Variants in POC1B observed in about 807,000 individuals in gnomAD.
POC1B encodes the protein POC1 centriolar protein homolog B.
A neutral mutation model predicts 60.6 loss-of-function variants in POC1B; 44 were observed. The ratio of observed to expected loss-of-function variants is 0.73; its 90% CI spans 0.57 to 0.93. The LOEUF is 0.93. POC1B is among the 40% of genes least tolerant of loss of function. POC1B has a pLI of 0.00. For missense variants in POC1B, 555 were observed against 572.3 expected (o/e 0.97, Z 0.31); for synonymous variants, 180 against 198.9 (o/e 0.90, Z 0.80).
At chr12:89,509,832 A>C (rs1565756148) in intron 2 of POC1B, among the ~76,000 whole-genome samples, 1 of 152,046 alleles carries the variant, frequency 6.6e-6, no homozygotes, top group Non-Finnish European at 1.5e-5. Flanking sequence ...AATCCCACTA[A>C]CTAGAGTTCA....
intron 2 of POC1B, chr12:89,501,609 T>C (rs1022186785): frequency 3.7e-6 from 5 of 1,367,414 alleles, no homozygotes; most frequent in Non-Finnish European, 5.0e-6. Context: ...GCTTTTCTAG[T>C]GAGTCCAAGA....
chr12:89,474,224 C>A (rs1323644448), intron 4 of POC1B, among the ~76,000 whole-genome samples: 2 of 150,834 alleles, frequency 1.3e-5, no homozygotes, highest in Non-Finnish European at 1.5e-5. Context: ...AAAAAAAAAA[C>A]CTGTAAAAAA....
chr12:89,441,483 T>C (rs1881519582), intron 10 of POC1B, among the ~76,000 whole-genome samples: 2 of 152,188 alleles, frequency 1.3e-5, no homozygotes, highest in African/African-American at 4.8e-5. Context: ...AAGCCTCTGC[T>C]GGTGATACCC....
At chr12:89,431,827 G>A (rs1316313507) in intron 10 of POC1B, among the ~76,000 whole-genome samples, 1 of 152,186 alleles carries the variant, frequency 6.6e-6, no homozygotes, top group Non-Finnish European at 1.5e-5. Context: ...TTTGGAGATT[G>A]CAAGTCCAAA....
chr12:89,465,152 AC>A (rs1391714216), intron 9 of POC1B, among the ~76,000 whole-genome samples: 1 of 152,138 alleles, frequency 6.6e-6, no homozygotes, highest in Non-Finnish European at 1.5e-5. Flanking sequence ...GGTCAGCCTG[AC>A]CCAGCAACAC....
the POC1B span, among the ~76,000 whole-genome samples, chr12:89,409,923 G>A: frequency 6.6e-6 from 1 of 152,004 alleles, no homozygotes; most frequent in African/African-American, 2.4e-5. Context: ...CCAAACAATA[G>A]AAAAAAAGGG....
chr12:89,435,008 T>C (rs1881194106), intron 10 of POC1B, among the ~76,000 whole-genome samples: 1 of 152,160 alleles, frequency 6.6e-6, no homozygotes, highest in South Asian at 2.1e-4. Flanking sequence ...TCTAGTTCCA[T>C]TGTTTTACTG....
intron 2 of POC1B, chr12:89,523,823 T>G (rs1871153103): frequency 6.5e-7 from 1 of 1,541,430 alleles, no homozygotes; most frequent in African/African-American, 1.4e-5. Flanking sequence ...CTCCCAATCC[T>G]TTCCAAAAGC....
downstream of POC1B, among the ~76,000 whole-genome samples, chr12:89,415,654 A>T (rs374972353): frequency 1.2e-3 from 189 of 152,168 alleles, 1 homozygote; most frequent in South Asian, 0.015. Flanking sequence ...AAAAAAAAAA[A>T]AATAATAAAG....
At chr12:89,465,885 G>A (rs1489718209) in intron 9 of POC1B, among the ~76,000 whole-genome samples, 1 of 152,182 alleles carries the variant, frequency 6.6e-6, no homozygotes, top group Admixed American at 6.5e-5. Flanking sequence ...ATGCACAACT[G>A]GAGACTAGCA....
chr12:89,475,308 G>A (rs758175235), intron 4 of POC1B, among the ~76,000 whole-genome samples: 1 of 152,154 alleles, frequency 6.6e-6, no homozygotes, highest in Non-Finnish European at 1.5e-5. Context: ...TGTGAACCTC[G>A]AATGAGTTAA....
At chr12:89,430,447 A>C (rs898028379) in intron 10 of POC1B, among the ~76,000 whole-genome samples, 1 of 152,216 alleles carries the variant, frequency 6.6e-6, no homozygotes, top group African/African-American at 2.4e-5. Context: ...ACCATTCAAC[A>C]ACATAACCAT....
Position 89,420,497 on chromosome 12 carries a change from AG to A in POC1B, c.*655del, listed in dbSNP as rs1299335930. 6.6e-6 allele frequency: 1 copy of A among 152,198 alleles called. No individual in the cohort carries two copies. Among genetic ancestry groups the A allele is most frequent in the Non-Finnish European group, 1.5e-5 (1 of 68,024 alleles). 9.4% of individuals were successfully genotyped at this position (152,198 alleles called of 1,614,324 possible). On this transcript the variant is annotated 3_prime_UTR_variant, in exon 12 of 12. Coordinates refer to ENST00000313546, the MANE Select transcript of POC1B (RefSeq NM_172240.3). Reference sequence around the variant, plus strand: ...AAGATAGGTGAGTTTCATTTCCTTCAGGTTGGCCAATGGATAAACAAAGTAC... The same window carrying A: ...AAGATAGGTGAGTTTCATTTCCTTCAGTTGGCCAATGGATAAACAAAGTAC...
chr12:89,439,901 G>A (rs1004057981), intron 10 of POC1B, among the ~76,000 whole-genome samples: 2 of 152,106 alleles, frequency 1.3e-5, no homozygotes, highest in Non-Finnish European at 2.9e-5. Context: ...CACTGTGCCC[G>A]GCCTTGAGTA....
At chr12:89,518,624 C>T (rs1870595733) in intron 2 of POC1B, among the ~76,000 whole-genome samples, 1 of 152,122 alleles carries the variant, frequency 6.6e-6, no homozygotes, top group Non-Finnish European at 1.5e-5. Flanking sequence ...CTCATAATCC[C>T]CTACCCCCTG....
At chr12:89,414,547 T>C in the POC1B span, among the ~76,000 whole-genome samples, 3 of 152,238 alleles carry the variant, frequency 2.0e-5, no homozygotes, top group Non-Finnish European at 4.4e-5. Flanking sequence ...ATTGTGTTCC[T>C]AGATTCACTG....
At chr12:89,524,465 C>A (rs771304191) in intron 2 of POC1B, 2 of 1,613,578 alleles carry the variant, frequency 1.2e-6, no homozygotes, top group African/African-American at 1.3e-5. Context: ...AAAGTAGAGA[C>A]CAAGAGCTCC....
At chr12:89,434,951 T>G (rs2120694249) in intron 10 of POC1B, among the ~76,000 whole-genome samples, 1 of 152,296 alleles carries the variant, frequency 6.6e-6, no homozygotes, top group Non-Finnish European at 1.5e-5. Flanking sequence ...TTTAATATTT[T>G]TTCTAAAAAA....
chr12:89,488,169 C>T (rs185300284), intron 4 of POC1B, among the ~76,000 whole-genome samples: 3,385 of 152,114 alleles, frequency 0.022, 102 homozygotes, highest in African/African-American at 0.072. Context: ...ACAACGACAA[C>T]GAATAAAGTA....
Sources: gnomAD v4.1 joint callset for allele counts (sites outside exome capture counted in the v4.1 genomes callset) on GRCh38, gnomAD v4.1.1 for gene constraint, MANE v1.5 for transcripts, NCBI Gene and HGNC (gene_info 2026-07-23, HGNC 2026-07-21) for gene names.